NCALD: variants seen among roughly 807,000 people sequenced by gnomAD.
The protein encoded by NCALD is neurocalcin delta.
A neutral mutation model predicts 18.6 loss-of-function variants in NCALD; 10 were observed. That is an observed-to-expected ratio of 0.54 (90% confidence interval 0.33 to 0.91). NCALD has a LOEUF of 0.91. Among genes scored for constraint, NCALD ranks in the 40% least tolerant of loss-of-function variants. The pLI is 0.03. For missense variants in NCALD, 184 were observed against 247.6 expected (o/e 0.74, Z 1.72); for synonymous variants, 88 against 87.4 (o/e 1.01, Z -0.04).
At position 101,836,499 on chromosome 8, in the gene NCALD, G is replaced by A. The variant is rs577150221; in HGVS notation, c.-20+50642C>T. Among the ~76,000 whole-genome samples the A allele has an allele frequency of 1.6e-4, 25 of 152,214 alleles. 1 individual carries two copies. The highest frequency in any genetic ancestry group is 6.0e-4 in the African/African-American group (25 of 41,518). On this transcript the variant is annotated intron_variant, in intron 4 of 6. Coordinates refer to the NCALD transcript ENST00000311028. ...CTTGGGGAATCCCTGGGGACTCTGGGGGATCCCTTTGAGATTTGACTGGAG... is the reference window on the plus strand; with the variant it reads ...CTTGGGGAATCCCTGGGGACTCTGGAGGATCCCTTTGAGATTTGACTGGAG...
At chr8:101,716,926 G>A (rs556100343) in intron 2 of NCALD, among the ~76,000 whole-genome samples, 6 of 152,252 alleles carry the variant, frequency 3.9e-5, no homozygotes, top group Middle Eastern at 3.4e-3. Flanking sequence ...CAAGGAACTC[G>A]GGAAGCTTCT....
At chr8:101,738,858 A>G (rs1317305240) in intron 1 of NCALD, among the ~76,000 whole-genome samples, 4 of 152,132 alleles carry the variant, frequency 2.6e-5, no homozygotes, top group African/African-American at 9.7e-5. Flanking sequence ...TAAGCACTCA[A>G]CAGTATCTTA....
chr8:101,697,190 T>A (rs1586228646), intron 2 of NCALD, among the ~76,000 whole-genome samples: 2 of 149,690 alleles, frequency 1.3e-5, no homozygotes, highest in East Asian at 3.9e-4. Context: ...AACGGGAAAA[T>A]CTAGAAGAAA....
At chr8:101,929,281 G>A (rs1470859395) in intron 2 of NCALD, among the ~76,000 whole-genome samples, 3 of 45,838 alleles carry the variant, frequency 6.5e-5, no homozygotes, top group Non-Finnish European at 1.3e-4. Flanking sequence ...TGGAGGGAGG[G>A]AGGGAGGGAG....
intron 2 of NCALD, among the ~76,000 whole-genome samples, chr8:101,957,264 A>T: frequency 6.8e-6 from 1 of 146,466 alleles, no homozygotes; most frequent in African/African-American, 2.5e-5. Context: ...TATTAAACAG[A>T]TGGGTAGTAA....
intron 1 of NCALD, among the ~76,000 whole-genome samples, chr8:102,062,695 G>A (rs2132264135): frequency 6.6e-6 from 1 of 152,342 alleles, no homozygotes; most frequent in East Asian, 1.9e-4. Flanking sequence ...GCTGGATTCA[G>A]ATAGGCTCTA....
chr8:101,807,216 AATTGTG>A (rs1451071930), intron 4 of NCALD, among the ~76,000 whole-genome samples: 1 of 152,176 alleles, frequency 6.6e-6, no homozygotes, highest in Non-Finnish European at 1.5e-5. Flanking sequence ...CAGAAAAGGT[AATTGTG>A]TAATTATAAA....
At chr8:101,907,451 G>A (rs73282603) in intron 3 of NCALD, among the ~76,000 whole-genome samples, 7,011 of 151,706 alleles carry the variant, frequency 0.046, 260 homozygotes, top group African/African-American at 0.1. Context: ...GTTAAATGGA[G>A]ACAATAAAAT....
In NCALD at chr8:101,908,918, G is replaced by A. The variant is rs80134501; in HGVS notation, c.-107+6891C>T. ...ATCAAAATGGAGTCACTTGTGCTAA[G>A]TGCCACATCATCACACTGAACTTTG... is the stretch of plus-strand genomic sequence containing the variant. On this transcript the variant is annotated intron_variant, in intron 3 of 6. Coordinates refer to the NCALD transcript ENST00000311028. 8.5e-3 allele frequency among the ~76,000 whole-genome samples: 1,296 copies of A among 152,280 alleles called. 22 individuals carry two copies. Among genetic ancestry groups the A allele is most frequent in the African/African-American group, 0.03 (1,229 of 41,546 alleles).
intron 4 of NCALD, among the ~76,000 whole-genome samples, chr8:101,859,307 T>C (rs752881635): frequency 3.3e-5 from 5 of 152,180 alleles, no homozygotes; most frequent in Non-Finnish European, 7.3e-5. Context: ...AGACTGACGG[T>C]TGCACTGCCA....
chr8:102,037,998 T>C (rs1186109760), intron 1 of NCALD, among the ~76,000 whole-genome samples: 5 of 152,134 alleles, frequency 3.3e-5, no homozygotes, highest in African/African-American at 1.2e-4. Flanking sequence ...TGTCTTTATT[T>C]CCCCCCTTTC....
intron 1 of NCALD, among the ~76,000 whole-genome samples, chr8:101,731,645 A>C (rs1290194923): frequency 6.6e-6 from 1 of 152,072 alleles, no homozygotes; most frequent in Non-Finnish European, 1.5e-5. Context: ...AACCATGTAA[A>C]TACGCTCTCT....
intron 1 of NCALD, chr8:101,746,001 T>C (rs1050120293): frequency 4.6e-5 from 7 of 152,204 alleles, no homozygotes; most frequent in Non-Finnish European, 8.8e-5. Flanking sequence ...GAGCTGGGAA[T>C]GAACACACAT....
chr8:102,060,263 G>A (rs997254568), intron 1 of NCALD, among the ~76,000 whole-genome samples: 2 of 152,196 alleles, frequency 1.3e-5, no homozygotes, highest in Non-Finnish European at 2.9e-5. Context: ...TTACAGGCAT[G>A]AGCCACTGCG....
chr8:101,909,935 G>C (rs948553323), intron 3 of NCALD, among the ~76,000 whole-genome samples: 3 of 152,140 alleles, frequency 2.0e-5, no homozygotes, highest in African/African-American at 7.2e-5. Flanking sequence ...AGGGAGGCTG[G>C]ACAAGGATGG....
rs148305610 is a variant in NCALD, at chr8:101,880,859, G to A, written c.-20+6282C>T. On this transcript the variant is annotated intron_variant, in intron 4 of 6. Transcript: ENST00000311028. ...ACCTCCTTCATTATGGCTGGAATAA[G>A]ATATGGGGACAAGGCAAAGGGAGGT... Among the ~76,000 whole-genome samples, 804 of 152,266 alleles carry A rather than the reference G, an allele frequency of 5.3e-3. 5 individuals carry two copies. The highest frequency in any genetic ancestry group is 0.017 in the African/African-American group (710 of 41,546).
intron 4 of NCALD, among the ~76,000 whole-genome samples, chr8:101,879,801 T>A (rs1816403423): frequency 6.6e-6 from 1 of 152,148 alleles, no homozygotes; most frequent in Non-Finnish European, 1.5e-5. Flanking sequence ...CACTGATTGG[T>A]GCATTCACAA....
intron 1 of NCALD, among the ~76,000 whole-genome samples, chr8:102,087,624 C>T (rs752323528): frequency 9.2e-5 from 14 of 152,148 alleles, no homozygotes; most frequent in East Asian, 1.9e-4. Context: ...CGACCAAGAC[C>T]GGGTTTGGCA....
chr8:102,054,615 G>A (rs1010111470), intron 1 of NCALD, among the ~76,000 whole-genome samples: 1 of 151,404 alleles, frequency 6.6e-6, no homozygotes, highest in Non-Finnish European at 1.5e-5. Flanking sequence ...CCTACAGATC[G>A]CAGACTTGCT....
Sources: allele counts gnomAD v4.1 joint callset (sites outside exome capture counted in the v4.1 genomes callset), GRCh38; gene constraint gnomAD v4.1.1; transcripts MANE v1.5; gene names NCBI Gene and HGNC (gene_info 2026-07-23, HGNC 2026-07-21).